Variants in TRPM3 observed in about 807,000 individuals in gnomAD.
TRPM3 encodes long transient receptor potential channel 3.
Under a neutral mutation model 181.2 loss-of-function variants are expected in TRPM3, and 77 were observed. The observed-to-expected ratio is 0.42, with a 90% CI of 0.35 to 0.51. TRPM3 has a LOEUF of 0.51. TRPM3 is among the 20% of genes least tolerant of loss of function. The pLI, the probability that TRPM3 is intolerant of heterozygous loss-of-function variation, is 0.01. For synonymous variants in TRPM3, 745 were observed against 796.4 expected (o/e 0.94, Z 1.09); for missense variants, 1,759 against 2,196.7 (o/e 0.80, Z 3.98).
chr9:71,318,340 A>G (rs1212474182), intron 1 of TRPM3, among the ~76,000 whole-genome samples: 1 of 152,164 alleles, frequency 6.6e-6, no homozygotes, highest in African/African-American at 2.4e-5. Context: ...TAAAAATCCA[A>G]AATTTTGACT....
chr9:70,967,510 T>C (rs927973434), intron 1 of TRPM3, among the ~76,000 whole-genome samples: 6 of 152,152 alleles, frequency 3.9e-5, no homozygotes, highest in African/African-American at 1.4e-4. Flanking sequence ...GAACTTATAC[T>C]ACAGATAGTT....
chr9:71,001,700 A>G (rs1388975207), intron 1 of TRPM3, among the ~76,000 whole-genome samples: 1 of 152,222 alleles, frequency 6.6e-6, no homozygotes, highest in Non-Finnish European at 1.5e-5. Context: ...AAATCACTGT[A>G]ACTGAAGAAA....
chr9:71,149,000 T>A (rs1164200646), intron 1 of TRPM3, among the ~76,000 whole-genome samples: 1 of 152,132 alleles, frequency 6.6e-6, no homozygotes, highest in Admixed American at 6.6e-5. Flanking sequence ...GCTGGTCAAA[T>A]AGCATACATA....
intron 1 of TRPM3, among the ~76,000 whole-genome samples, chr9:71,439,232 G>A (rs2094095950): frequency 6.6e-6 from 1 of 152,110 alleles, no homozygotes; most frequent in South Asian, 2.1e-4. Flanking sequence ...TCATGGATAT[G>A]ATCAACAACA....
intron 22 of TRPM3, among the ~76,000 whole-genome samples, chr9:70,571,498 A>G (rs935285385): frequency 2.6e-5 from 4 of 152,112 alleles, no homozygotes; most frequent in African/African-American, 4.8e-5. Context: ...CCGCGTCTCA[A>G]ATAGTTGTAC....
chr9:70,590,382 C>A (rs915644444), intron 22 of TRPM3, among the ~76,000 whole-genome samples: 6 of 152,144 alleles, frequency 3.9e-5, no homozygotes, highest in African/African-American at 1.4e-4. Flanking sequence ...CACACTGAAT[C>A]GTTTCATAAT....
chr9:70,895,598 G>C (rs190806344), intron 1 of TRPM3, among the ~76,000 whole-genome samples: 1 of 152,250 alleles, frequency 6.6e-6, no homozygotes, highest in East Asian at 1.9e-4. Context: ...CCAGTATTAT[G>C]AGCAAAGAGA....
At chr9:70,563,647 A>G (rs2049737641) in intron 22 of TRPM3, among the ~76,000 whole-genome samples, 1 of 152,202 alleles carries the variant, frequency 6.6e-6, no homozygotes, top group Non-Finnish European at 1.5e-5. Flanking sequence ...GTACTTAAAG[A>G]ACATATAGAG....
At chr9:70,970,198 A>G (rs2097227811) in intron 1 of TRPM3, among the ~76,000 whole-genome samples, 1 of 152,180 alleles carries the variant, frequency 6.6e-6, no homozygotes, top group Admixed American at 6.5e-5. Context: ...TTTAGAGTTA[A>G]TGTATGTAAA....
rs141134182 is a variant in TRPM3 at position 71,387,461 on chromosome 9, T to G, written c.183+59192A>C. 1.6e-4 allele frequency among the ~76,000 whole-genome samples: 25 copies of G among 152,266 alleles called. No homozygotes were observed. The East Asian group carries it at 4.8e-3, about 29-fold the overall frequency. ...CATCTTAACTTATACCAACAGCCAT[T>G]CTACTTTACATCTATAAACTGCCTA... is the stretch of plus-strand genomic sequence containing the variant. On this transcript the variant is annotated intron_variant, in intron 1 of 24. Transcript: ENST00000357533.
intron 6 of TRPM3, among the ~76,000 whole-genome samples, chr9:70,816,490 G>A (rs1195790451): frequency 6.6e-6 from 1 of 152,176 alleles, no homozygotes; most frequent in African/African-American, 2.4e-5. Flanking sequence ...TCCCCCAAGA[G>A]GGCCAAGGCC....
intron 1 of TRPM3, among the ~76,000 whole-genome samples, chr9:70,959,248 C>T (rs1010454228): frequency 1.3e-5 from 2 of 151,794 alleles, no homozygotes; most frequent in Non-Finnish European, 2.9e-5. Flanking sequence ...TTTTGCACAT[C>T]CCTAATGCCT....
At chr9:70,673,436 T>G (rs2063360253) in intron 9 of TRPM3, among the ~76,000 whole-genome samples, 1 of 152,114 alleles carries the variant, frequency 6.6e-6, no homozygotes, top group Non-Finnish European at 1.5e-5. Flanking sequence ...TAAATACTTT[T>G]GGAAAGACTC....
chr9:71,325,168 C>A (rs1448935122), intron 1 of TRPM3, among the ~76,000 whole-genome samples: 2 of 152,030 alleles, frequency 1.3e-5, no homozygotes, highest in African/African-American at 4.8e-5. Flanking sequence ...GTACAAGTAA[C>A]AAATACATTA....
intron 22 of TRPM3, among the ~76,000 whole-genome samples, chr9:70,567,892 C>T (rs1424470583): frequency 1.3e-5 from 2 of 152,132 alleles, no homozygotes; most frequent in African/African-American, 4.8e-5. Flanking sequence ...AATATTCACG[C>T]TTTGTGCTGC....
At chr9:71,362,861 A>G (rs1416150637) in intron 1 of TRPM3, among the ~76,000 whole-genome samples, 1 of 152,226 alleles carries the variant, frequency 6.6e-6, no homozygotes, top group Non-Finnish European at 1.5e-5. Context: ...AAGATAAAAA[A>G]TAATAATTCC....
intron 1 of TRPM3, among the ~76,000 whole-genome samples, chr9:71,324,100 T>C (rs910057025): frequency 5.3e-5 from 8 of 152,152 alleles, no homozygotes; most frequent in African/African-American, 1.9e-4. Flanking sequence ...ATTCACTAGA[T>C]ACTGTAAAGT....
At chr9:71,168,645 T>A (rs113306167) in intron 1 of TRPM3, among the ~76,000 whole-genome samples, 1,574 of 142,708 alleles carry the variant, frequency 0.011, 32 homozygotes, top group African/African-American at 0.038. Context: ...TTTTTTATTT[T>A]TTTTTTTATT....
chr9:71,277,839 C>T (rs140273338), intron 1 of TRPM3, among the ~76,000 whole-genome samples: 21 of 152,266 alleles, frequency 1.4e-4, no homozygotes, highest in Admixed American at 1.4e-3. Context: ...TTAAGCATCG[C>T]ACTCCACACA....
Sources: allele counts gnomAD v4.1 joint callset (sites outside exome capture counted in the v4.1 genomes callset), GRCh38; gene constraint gnomAD v4.1.1; transcripts MANE v1.5; gene names NCBI Gene and HGNC (gene_info 2026-07-23, HGNC 2026-07-21).